Variants in GARRE1 observed in about 807,000 individuals in gnomAD.
The protein encoded by GARRE1 is granule associated Rac and RHOG effector protein 1.
A neutral mutation model predicts 103.2 loss-of-function variants in GARRE1; 49 were observed. The ratio of observed to expected loss-of-function variants is 0.47; its 90% CI spans 0.38 to 0.60. The LOEUF is 0.60. GARRE1 is among the 20% of genes least tolerant of loss of function. The pLI is 0.00. For synonymous variants in GARRE1, 505 were observed against 532.8 expected, an observed-to-expected ratio of 0.95 and a Z score of 0.72; for missense variants, 1,199 against 1,370.5, an observed-to-expected ratio of 0.87 and a Z score of 1.98.
At chr19:34,339,688 C>G (rs1267205648) in intron 8 of GARRE1, among the ~76,000 whole-genome samples, 179 bp from the exon 9 acceptor site, 1 of 152,198 alleles carries the variant, frequency 6.6e-6, no homozygotes. Context: ...CTTCCTACTC[C>G]TCTTGTGGGG....
chr19:34,352,981 T>TGCCTGCCTGCCCGCCC lies in GARRE1; in HGVS notation c.*27_*42dup. ...CCCCAGGCCAGCCAGCCTGCCTGCC[T>TGCCTGCCTGCCCGCCC]GCCTGCCTGCCCGCCCAGAGCTGTG... is the stretch of plus-strand genomic sequence containing the variant. On this transcript the variant is annotated 3_prime_UTR_variant, in exon 14 of 14. Coordinates refer to ENST00000299505, the MANE Select transcript of GARRE1 (RefSeq NM_014686.5). 1 of 1,483,986 alleles carries TGCCTGCCTGCCCGCCC rather than the reference T, an allele frequency of 6.7e-7. No individual in the cohort carries two copies. Among genetic ancestry groups the TGCCTGCCTGCCCGCCC allele is most frequent in the Non-Finnish European group, 9.0e-7 (1 of 1,110,116 alleles). The allele number at this position is 1,483,986 out of a possible 1,614,324, so 91.9% of individuals were successfully genotyped here. A position where few individuals can be genotyped will look rare whatever the true frequency, so the allele number is the denominator to read the frequency against.
intron 3 of GARRE1, among the ~76,000 whole-genome samples, chr19:34,320,343 G>A (rs1004378175): frequency 6.6e-6 from 1 of 152,254 alleles, no homozygotes; most frequent in Non-Finnish European, 1.5e-5. Flanking sequence ...AGCCTCCTGG[G>A]AGAATAGGCT....
At chr19:34,302,234 C>T (rs1364420699) in intron 2 of GARRE1, among the ~76,000 whole-genome samples, 9 of 147,990 alleles carry the variant, frequency 6.1e-5, no homozygotes, top group Non-Finnish European at 1.2e-4. Context: ...TCAGGTGATC[C>T]GCCCGCCTCA....
intron 7 of GARRE1, among the ~76,000 whole-genome samples, chr19:34,331,803 G>A (rs568620113): frequency 6.6e-6 from 1 of 152,072 alleles, no homozygotes; most frequent in Non-Finnish European, 1.5e-5. Context: ...AGACCAGCCT[G>A]GCCAATATGG....
chr19:34,302,668 A>G (rs1201281963), intron 2 of GARRE1, among the ~76,000 whole-genome samples: 1 of 151,668 alleles, frequency 6.6e-6, no homozygotes, highest in African/African-American at 2.4e-5. Flanking sequence ...TTCCAATTCT[A>G]AATTCACAGT....
At chr19:34,266,367 G>A (rs867907281) in intron 1 of GARRE1, among the ~76,000 whole-genome samples, 5 of 152,266 alleles carry the variant, frequency 3.3e-5, no homozygotes, top group Middle Eastern at 3.4e-3. Context: ...CTGATTTTCT[G>A]TTGTTTTTTT....
chr19:34,290,980 C>G (rs2073914791), intron 1 of GARRE1, among the ~76,000 whole-genome samples: 1 of 131,020 alleles, frequency 7.6e-6, no homozygotes, highest in Non-Finnish European at 1.6e-5. Flanking sequence ...GATCTTGGTT[C>G]ACTGCAACCT....
intron 1 of GARRE1, among the ~76,000 whole-genome samples, chr19:34,286,165 A>G (rs550945175): frequency 6.6e-6 from 1 of 152,272 alleles, no homozygotes; most frequent in Non-Finnish European, 1.5e-5. Context: ...ACAAACAAAC[A>G]AACAAAACAA....
intron 1 of GARRE1, among the ~76,000 whole-genome samples, chr19:34,265,392 C>T (rs1240063662): frequency 6.6e-6 from 1 of 152,140 alleles, no homozygotes; most frequent in African/African-American, 2.4e-5. Context: ...GGAGAGAATG[C>T]GCTACATCCT....
intron 1 of GARRE1, among the ~76,000 whole-genome samples, chr19:34,279,011 A>G (rs1037579938): frequency 6.6e-6 from 1 of 152,146 alleles, no homozygotes; most frequent in Non-Finnish European, 1.5e-5. Flanking sequence ...TTGTATGGAT[A>G]TACCACATTT....
intron 1 of GARRE1, among the ~76,000 whole-genome samples, chr19:34,291,628 A>G (rs2073918297): frequency 6.6e-6 from 1 of 152,114 alleles, no homozygotes; most frequent in Non-Finnish European, 1.5e-5. Context: ...AATAAATTAA[A>G]CCACTCCTGT....
chr19:34,354,250 T>G lies in GARRE1; in HGVS notation c.*1295T>G, dbSNP rs2074257692. 1 of 152,230 alleles carries G rather than the reference T, an allele frequency of 6.6e-6. No homozygotes were observed. 9.4% of individuals were successfully genotyped at this position (152,230 alleles called of 1,614,324 possible). A position where few individuals can be genotyped will look rare whatever the true frequency, so the allele number is the denominator to read the frequency against. On this transcript the variant is annotated 3_prime_UTR_variant, in exon 14 of 14. Coordinates refer to ENST00000299505, the MANE Select transcript of GARRE1 (RefSeq NM_014686.5). The stretch of plus-strand genomic sequence containing the variant: ...TATTTTCTTAAATCATTAAACCATT[T>G]TAATATATGTTAACTACTAATAAAT...
chr19:34,319,785 T>G lies in GARRE1; in HGVS notation c.496-122T>G, dbSNP rs79754410. 4,807 of 844,856 alleles carry G rather than the reference T, an allele frequency of 5.7e-3. 18 individuals carry two copies. The highest frequency in any genetic ancestry group is 0.011 in the Middle Eastern group (47 of 4,356). 52.3% of individuals were successfully genotyped at this position (844,856 alleles called of 1,614,324 possible). ...TTCTGAAGCATGGTGGCCTTTTAAC[T>G]TTGTATGATTTTGGATTTCCAGTTA... is the stretch of plus-strand genomic sequence containing the variant. On this transcript the variant is annotated intron_variant, in intron 2 of 13. Coordinates refer to ENST00000299505, the MANE Select transcript of GARRE1 (RefSeq NM_014686.5).
intron 1 of GARRE1, among the ~76,000 whole-genome samples, chr19:34,255,286 C>G (rs1599741212): frequency 6.6e-6 from 1 of 152,304 alleles, no homozygotes; most frequent in African/African-American, 2.4e-5. Flanking sequence ...CCGCGCGGTG[C>G]GAGGAAAGAA....
At chr19:34,303,062 G>T (rs2073988929) in intron 2 of GARRE1, among the ~76,000 whole-genome samples, 1 of 152,080 alleles carries the variant, frequency 6.6e-6, no homozygotes, top group Admixed American at 6.6e-5. Context: ...TAGTTAAAAT[G>T]AAATATTATT....
At chr19:34,325,855 G>A (rs992734302) in intron 3 of GARRE1, among the ~76,000 whole-genome samples, 7 of 152,018 alleles carry the variant, frequency 4.6e-5, no homozygotes, top group Non-Finnish European at 8.8e-5. Context: ...TCACGGACCC[G>A]TCTGTAGGTC....
chr19:34,290,147 A>G (rs2073909702), intron 1 of GARRE1, among the ~76,000 whole-genome samples: 1 of 152,174 alleles, frequency 6.6e-6, no homozygotes, highest in Admixed American at 6.6e-5. Flanking sequence ...GCTTGAGCTC[A>G]GGAGCTCAAG....
At position 34,347,948 on chromosome 19, in the gene GARRE1, C is replaced by G; in HGVS notation, c.2593C>G (p.Gln865Glu). The change falls in exon 11 of 14, where the codon CAG becomes GAG. Residue 865 changes from glutamine to glutamate, a missense_variant. Transcript: ENST00000299505. ...SQAMQQKRQAQHGRRPGNPRG... is the reference protein window; with the variant it reads ...SQAMQQKRQAEHGRRPGNPRG... ...GGCGATGCAGCAGAAGCGGCAGGCCCAGCACGGTCGCCGGCCAGGCAACCC... is the reference window on the plus strand; with the variant it reads ...GGCGATGCAGCAGAAGCGGCAGGCCGAGCACGGTCGCCGGCCAGGCAACCC... 6.3e-7 allele frequency: 1 copy of G among 1,592,126 alleles called. No individual in the cohort carries two copies. The highest frequency in any genetic ancestry group is 8.6e-7 in the Non-Finnish European group (1 of 1,168,646).
chr19:34,272,617 TCTC>T (rs1432183126), intron 1 of GARRE1, among the ~76,000 whole-genome samples: 1 of 152,178 alleles, frequency 6.6e-6, no homozygotes, highest in African/African-American at 2.4e-5. Flanking sequence ...CGGAGTATGA[TCTC>T]CTAGAGAGAG....
Sources: allele counts gnomAD v4.1 joint callset (sites outside exome capture counted in the v4.1 genomes callset), GRCh38; gene constraint gnomAD v4.1.1; transcripts MANE v1.5; gene names NCBI Gene and HGNC (gene_info 2026-07-23, HGNC 2026-07-21).